SRSF1: variants seen among roughly 807,000 people sequenced by gnomAD.
The protein encoded by SRSF1 is serine and arginine rich splicing factor 1.
Under a neutral mutation model 25.9 loss-of-function variants are expected in SRSF1, and 1 was observed. The observed-to-expected ratio is 0.04, with a 90% confidence interval of 0.01 to 0.18. The LOEUF (loss-of-function observed/expected upper bound fraction) is 0.18, where lower values mean the gene tolerates loss of function less well. Among genes scored for constraint, SRSF1 ranks in the 10% least tolerant of loss-of-function variants. The probability of loss-of-function intolerance (pLI) is 1.00; values close to 1 mark genes in which losing one functional copy is unlikely to be tolerated. For missense variants in SRSF1, 65 were observed against 350.5 expected (o/e 0.19, Z 6.50); for synonymous variants, 132 against 126.2 (o/e 1.05, Z -0.31).
chr17:57,997,486 A>G (rs1055974129), downstream of SRSF1, among the ~76,000 whole-genome samples: 1 of 152,196 alleles, frequency 6.6e-6, no homozygotes, highest in East Asian at 1.9e-4. Flanking sequence ...CTGGGTCTGT[A>G]GAGTTAAAAA....
the SRSF1 span, chr17:57,994,769 A>G: frequency 6.6e-6 from 1 of 152,210 alleles, no homozygotes; most frequent in Non-Finnish European, 1.5e-5. Context: ...TGAATACAAA[A>G]CAAAGACCTC....
Position 58,006,967 on chromosome 17 carries a change from G to A in SRSF1, c.171C>T (p.Ala57=). 5 of 1,614,282 alleles carry A rather than the reference G, an allele frequency of 3.1e-6. No homozygotes were observed. Among genetic ancestry groups the A allele is most frequent in the Non-Finnish European group, 3.4e-6 (4 of 1,180,050 alleles). ...LKNRRGGPPF[A]FVEFEDPRDA... ...ACCGCGGGTCCTCGAACTCAACGAA[G>A]GCGAAGGGCGGTCCCCCGCGGCGAT... Residue 57 remains alanine, a synonymous_variant, in exon 1 of 4, where the codon GCC becomes GCT. Coordinates refer to ENST00000258962, the MANE Select transcript of SRSF1 (RefSeq NM_006924.5).
chr17:58,005,716 T>C lies in SRSF1; in HGVS notation c.552+85A>G, dbSNP rs546734595. 1.2e-6 allele frequency: 2 copies of C among 1,610,770 alleles called. No individual in the cohort carries two copies. Among genetic ancestry groups the C allele is most frequent in the South Asian group, 1.1e-5 (1 of 90,852 alleles). ...AATCTGGCAATTTACTTGGACAACCTTGCCTGAATCCTTACCTTGAAATTC... is the reference window on the plus strand; with the variant it reads ...AATCTGGCAATTTACTTGGACAACCCTGCCTGAATCCTTACCTTGAAATTC... On this transcript the variant is annotated intron_variant, in intron 3 of 3. Transcript: ENST00000258962. The surrounding 1 kb of genome is among the most constrained non-coding windows in gnomAD (Gnocchi z 5.2).
the SRSF1 span, among the ~76,000 whole-genome samples, chr17:57,995,850 C>G: frequency 1.3e-5 from 2 of 152,158 alleles, no homozygotes; most frequent in African/African-American, 4.8e-5. Flanking sequence ...TAAAATGAGC[C>G]ACAGTATCAG....
chr17:57,992,755 T>C, the SRSF1 span: 1 of 152,360 alleles, frequency 6.6e-6, no homozygotes, highest in East Asian at 1.9e-4. Flanking sequence ...ATCAAGTGAA[T>C]ACTCTATCCA....
At chr17:58,006,620 C>T in intron 1 of SRSF1, 93 bp from the exon 2 acceptor site, 1 of 1,414,698 alleles carries the variant, frequency 7.1e-7, no homozygotes, top group South Asian at 1.4e-5. Context: ...CATGCGCACC[C>T]AACGTGGAAG....
Position 58,002,544 on chromosome 17 carries a change from T to G in SRSF1, c.*2862A>C, listed in dbSNP as rs1348655148. Among the ~76,000 whole-genome samples, 2 of 152,230 alleles carry G rather than the reference T, an allele frequency of 1.3e-5. No individual in the cohort carries two copies. Among genetic ancestry groups the G allele is most frequent in the East Asian group, 3.9e-4 (2 of 5,194 alleles). On this transcript the variant is annotated 3_prime_UTR_variant, in exon 4 of 4. Transcript: ENST00000258962. Reference sequence around the variant, plus strand: ...ACAAGAAGTAGCAGGCTAAAAGTTTTTAACTGCTTTGGTAGAGAACACCAA... The same window carrying G: ...ACAAGAAGTAGCAGGCTAAAAGTTTGTAACTGCTTTGGTAGAGAACACCAA...
At chr17:57,998,725 T>C (rs1342163257), downstream of SRSF1, among the ~76,000 whole-genome samples, 1 of 152,238 alleles carries the variant, frequency 6.6e-6, no homozygotes, top group Non-Finnish European at 1.5e-5. Flanking sequence ...TGCTACTTAG[T>C]GTTACCTTAG....
rs2075400786 is a variant in SRSF1 at position 58,002,753 on chromosome 17, T to C, written c.*2653A>G. On this transcript the variant is annotated 3_prime_UTR_variant, in exon 4 of 4. Transcript: ENST00000258962. ...CAGGCTGAGCATGGTGGCTCACACC[T>C]GTAATCCTAACACTTTGGGAGGCCA... Among the ~76,000 whole-genome samples, 1 of 152,252 alleles carries C rather than the reference T, an allele frequency of 6.6e-6. No individual in the cohort carries two copies. The highest frequency in any genetic ancestry group is 1.5e-5 in the Non-Finnish European group (1 of 68,046).
downstream of SRSF1, among the ~76,000 whole-genome samples, chr17:57,998,678 C>A (rs989209010): frequency 3.3e-5 from 5 of 152,342 alleles, no homozygotes; most frequent in Admixed American, 1.3e-4. Context: ...TGCAGCAAGA[C>A]TACTAGTTAA....
the SRSF1 span, chr17:57,992,489 A>T: frequency 0.089 from 13,089 of 147,684 alleles, 696 homozygotes; most frequent in African/African-American, 0.16. Context: ...ATAAAAAATT[A>T]AAAAAAATAA....
chr17:57,990,974 G>A, the SRSF1 span: 1 of 152,206 alleles, frequency 6.6e-6, no homozygotes, highest in Non-Finnish European at 1.5e-5. Context: ...ATATGTGTAA[G>A]ATGCTTAGAA....
downstream of SRSF1, among the ~76,000 whole-genome samples, chr17:58,000,572 A>G (rs1171943187): frequency 6.6e-6 from 1 of 152,184 alleles, no homozygotes; most frequent in Admixed American, 6.5e-5. Flanking sequence ...GAATGTAAAG[A>G]AATGTGGGCC....
In SRSF1 at chr17:58,007,063, T is replaced by C; in HGVS notation, c.75A>G (p.Pro25=). 1.2e-6 allele frequency: 2 copies of C among 1,614,206 alleles called. No homozygotes were observed. Among genetic ancestry groups the C allele is most frequent in the Non-Finnish European group, 1.7e-6 (2 of 1,180,042 alleles). Residue 25 remains proline (P), a synonymous_variant, in exon 1 of 4, where the codon CCA becomes CCG. Transcript: ENST00000258962. ...CCTCAATGTCCTTGGTTCGGATGTC[T>C]GGAGGTAAGTTACCCACGTAGATGC... ...DCRIYVGNLP[P]DIRTKDIEDV...
rs1278978589 is a variant in SRSF1, at chr17:58,004,950, C to T, written c.*456G>A. 1 of 406,866 alleles carries T rather than the reference C, an allele frequency of 2.5e-6. No individual in the cohort carries two copies. Among genetic ancestry groups the T allele is most frequent in the South Asian group, 1.1e-4 (1 of 8,834 alleles). 25.2% of individuals were successfully genotyped at this position (406,866 alleles called of 1,614,324 possible). A position where few individuals can be genotyped will look rare whatever the true frequency, so the allele number is the denominator to read the frequency against. On this transcript the variant is annotated 3_prime_UTR_variant, in exon 4 of 4. Coordinates refer to ENST00000258962, the MANE Select transcript of SRSF1 (RefSeq NM_006924.5). ...TTGCCTCCATTATTGATCTGATCCT[C>T]CTCAATCCTCCTTTTGACAATCCTA...
chr17:57,989,671 G>A, the SRSF1 span: 1 of 398,516 alleles, frequency 2.5e-6, no homozygotes, highest in Non-Finnish European at 4.4e-6. Flanking sequence ...GCTGGAAAAC[G>A]TTGGTCTGGT....
At chr17:57,989,044 A>C in the SRSF1 span, 1 of 367,316 alleles carries the variant, frequency 2.7e-6, no homozygotes, top group African/African-American at 2.9e-5. Context: ...GAGATAGTAT[A>C]GACAAATTAT....
downstream of SRSF1, among the ~76,000 whole-genome samples, chr17:57,998,916 G>C (rs1237651203): frequency 6.6e-6 from 1 of 152,282 alleles, no homozygotes; most frequent in East Asian, 1.9e-4. Flanking sequence ...GGCCTAAAAG[G>C]TTTAGTATTC....
rs2075389657 is a variant in SRSF1 at position 58,001,454 on chromosome 17, CCAAA to C, written c.*3948_*3951del. Among the ~76,000 whole-genome samples the C allele has an allele frequency of 6.6e-6, 1 of 152,010 alleles. No individual in the cohort carries two copies. The highest frequency in any genetic ancestry group is 1.5e-5 in the Non-Finnish European group (1 of 67,968). ...TTAGTTTTAAAAACAAAATTCAGACCCAAACAATCAAGAACCAGAAAATGGGTTT... is the reference window on the plus strand; with the variant it reads ...TTAGTTTTAAAAACAAAATTCAGACCCAATCAAGAACCAGAAAATGGGTTT... On this transcript the variant is annotated 3_prime_UTR_variant, in exon 4 of 4. Coordinates refer to ENST00000258962, the MANE Select transcript of SRSF1 (RefSeq NM_006924.5).
Sources: gnomAD v4.1 joint callset for allele counts (sites outside exome capture counted in the v4.1 genomes callset) on GRCh38, gnomAD v4.1.1 for gene constraint, Gnocchi (gnomAD v3.1) non-coding constraint, MANE v1.5 for transcripts, NCBI Gene and HGNC (gene_info 2026-07-23, HGNC 2026-07-21) for gene names.